The following LAMA2 variants were observed in gnomAD, a reference collection of about 807,000 sequenced individuals.
LAMA2 encodes the protein laminin subunit alpha-2.
A neutral mutation model predicts 364.8 loss-of-function variants in LAMA2; 269 were observed. The observed-to-expected ratio is 0.74, with a 90% CI of 0.67 to 0.82. The LOEUF (loss-of-function observed/expected upper bound fraction) is 0.82. Among genes scored for constraint, LAMA2 ranks in the 40% least tolerant of loss-of-function variants. The pLI is 0.00. For synonymous variants in LAMA2, 1,379 were observed against 1,370.6 expected, an observed-to-expected ratio of 1.01 and a Z score of -0.14; for missense variants, 3,807 against 3,873.2, an observed-to-expected ratio of 0.98 and a Z score of 0.45.
At chr6:129,500,942 C>A (rs1463741979) in intron 58 of LAMA2, among the ~76,000 whole-genome samples, 4 of 152,156 alleles carry the variant, frequency 2.6e-5, no homozygotes, top group Admixed American at 1.3e-4. Context: ...CTCTTTTAAG[C>A]TACATGTAAT....
intron 1 of LAMA2, 79 bp from the exon 2 acceptor site, chr6:129,049,839 A>C (rs1312170293): frequency 7.8e-7 from 1 of 1,289,772 alleles, no homozygotes; most frequent in East Asian, 2.3e-5. Context: ...AAAATATTTT[A>C]TCTCAATTGC....
intron 12 of LAMA2, among the ~76,000 whole-genome samples, chr6:129,205,493 T>TATATATAC (rs1343472728): frequency 9.6e-6 from 1 of 104,274 alleles, no homozygotes; most frequent in African/African-American, 5.5e-5. Context: ...TATATATATA[T>TATATATAC]ACACACACAC....
chr6:128,924,434 G>C (rs1778957594), intron 1 of LAMA2, among the ~76,000 whole-genome samples: 1 of 152,116 alleles, frequency 6.6e-6, no homozygotes, highest in Admixed American at 6.6e-5. Flanking sequence ...GAAGGAAGAG[G>C]AGGAGAAATT....
intron 48 of LAMA2, among the ~76,000 whole-genome samples, chr6:129,457,522 A>T (rs1422870320): frequency 6.6e-6 from 1 of 152,088 alleles, no homozygotes; most frequent in East Asian, 1.9e-4. Flanking sequence ...GGCTTTGGTT[A>T]TCTCAACTAG....
chr6:129,366,440 A>G lies in LAMA2; in HGVS notation c.4860+79A>G, dbSNP rs1344401969. The G allele has an allele frequency of 2.0e-6, 3 of 1,493,730 alleles. No individual in the cohort carries two copies. The African/African-American group carries it at 4.1e-5, about 21-fold the overall frequency. 92.5% of individuals were successfully genotyped at this position (1,493,730 alleles called of 1,614,324 possible). A position where few individuals can be genotyped will look rare whatever the true frequency, so the allele number is the denominator to read the frequency against. ...CAAGCGGTATTGGCTGTAATTGGTA[A>G]ATGTTCTTCCCACAGCCCCAAATCA... is the stretch of plus-strand genomic sequence containing the variant. On this transcript the variant is annotated intron_variant, in intron 33 of 64. Transcript: ENST00000421865.
chr6:129,086,797 C>T lies in LAMA2; in HGVS notation c.397-11376C>T, dbSNP rs150137922. 2.3e-4 allele frequency among the ~76,000 whole-genome samples: 35 copies of T among 152,324 alleles called. No individual in the cohort carries two copies. The East Asian group carries it at 6.2e-3, about 27-fold the overall frequency. On this transcript the variant is annotated intron_variant, in intron 3 of 64. Coordinates refer to ENST00000421865, the MANE Select transcript of LAMA2 (RefSeq NM_000426.4). ...TAGGTTAGTAGTCTGACACAAGTCT[C>T]ACTGAGCTAAAGTCCAGGTGTGGGT...
intron 49 of LAMA2, 45 bp downstream of exon 49, chr6:129,460,369 T>C (rs561648411): frequency 7.5e-6 from 12 of 1,595,434 alleles, no homozygotes; most frequent in African/African-American, 4.0e-5. Flanking sequence ...CTGTGCATAA[T>C]AAAAGCTTCG....
At chr6:129,158,637 A>G in intron 8 of LAMA2, 1 of 1,614,226 alleles carries the variant, frequency 6.2e-7, no homozygotes, top group Non-Finnish European at 8.5e-7. Flanking sequence ...AATTATGCAG[A>G]CAGCCATAGA....
intron 34 of LAMA2, among the ~76,000 whole-genome samples, chr6:129,378,700 G>T (rs1046375497): frequency 6.6e-6 from 1 of 151,922 alleles, no homozygotes; most frequent in African/African-American, 2.4e-5. Context: ...ATAGTGTTGG[G>T]TACAAACAAA....
At chr6:128,923,530 A>C (rs1778882880) in intron 1 of LAMA2, among the ~76,000 whole-genome samples, 1 of 152,142 alleles carries the variant, frequency 6.6e-6, no homozygotes. Context: ...AGATACCTAA[A>C]TTAGGAAACA....
chr6:129,360,583 C>T (rs962371264), intron 32 of LAMA2, among the ~76,000 whole-genome samples: 1 of 152,176 alleles, frequency 6.6e-6, no homozygotes, highest in Admixed American at 6.5e-5. Context: ...TACTATAAAA[C>T]TTACCTTTCA....
At chr6:129,509,746 G>T (rs918823306) in intron 62 of LAMA2, among the ~76,000 whole-genome samples, 1 of 152,054 alleles carries the variant, frequency 6.6e-6, no homozygotes, top group African/African-American at 2.4e-5. Flanking sequence ...ATGCCGTTTG[G>T]CTTACTATAG....
chr6:129,499,597 G>A (rs1785465101), intron 58 of LAMA2, among the ~76,000 whole-genome samples: 2 of 152,122 alleles, frequency 1.3e-5, no homozygotes, highest in Non-Finnish European at 2.9e-5. Flanking sequence ...AATGCTAGAA[G>A]GAAAAAAGAA....
intron 40 of LAMA2, 152 bp downstream of exon 40, chr6:129,404,111 C>A (rs930606464): frequency 2.5e-6 from 2 of 795,206 alleles, no homozygotes; most frequent in African/African-American, 3.5e-5. Flanking sequence ...AATAAATTCT[C>A]GGTATGCTAT....
intron 4 of LAMA2, among the ~76,000 whole-genome samples, chr6:129,120,417 C>T (rs1776739951): frequency 6.6e-6 from 1 of 152,084 alleles, no homozygotes; most frequent in Non-Finnish European, 1.5e-5. Context: ...TAAAGACTTA[C>T]TAGTTAGGTG....
chr6:129,118,388 C>T (rs2114913947), intron 4 of LAMA2, among the ~76,000 whole-genome samples: 1 of 152,286 alleles, frequency 6.6e-6, no homozygotes, highest in African/African-American at 2.4e-5. Flanking sequence ...GCTAAATTTT[C>T]TTATCTGTGA....
At chr6:129,129,524 C>A (rs1057226834) in intron 4 of LAMA2, among the ~76,000 whole-genome samples, 2 of 152,078 alleles carry the variant, frequency 1.3e-5, no homozygotes, top group South Asian at 4.1e-4. Flanking sequence ...CTCAAATAGA[C>A]CACTGTTAGG....
intron 12 of LAMA2, among the ~76,000 whole-genome samples, chr6:129,219,835 G>T (rs193228834): frequency 4.1e-5 from 6 of 148,122 alleles, no homozygotes; most frequent in African/African-American, 1.5e-4. Flanking sequence ...TGTGGGGTGG[G>T]GGGGAGGGGG....
intron 1 of LAMA2, among the ~76,000 whole-genome samples, chr6:128,887,973 A>G (rs1199697532): frequency 6.6e-6 from 1 of 152,210 alleles, no homozygotes; most frequent in African/African-American, 2.4e-5. Context: ...ACCATGTGAA[A>G]AAGATCAGGA....
Sources: allele counts gnomAD v4.1 joint callset (sites outside exome capture counted in the v4.1 genomes callset), GRCh38; gene constraint gnomAD v4.1.1; transcripts MANE v1.5; gene names NCBI Gene and HGNC (gene_info 2026-07-23, HGNC 2026-07-21).